Variants in CARS1 observed in about 807,000 individuals in gnomAD.
CARS1 encodes the protein cysteine--tRNA ligase, cytoplasmic.
CARS1 carries 48 observed loss-of-function variants against 106.2 expected under a neutral mutation model. That is an observed-to-expected ratio of 0.45 (90% CI 0.36 to 0.57). CARS1 has a LOEUF of 0.57. Ranked by LOEUF, CARS1 falls within the 20% of genes least tolerant of loss-of-function variation. The probability of loss-of-function intolerance (pLI) is 0.00; values close to 1 mark genes in which losing one functional copy is unlikely to be tolerated. For missense variants in CARS1, 968 were observed against 1,057.2 expected, an observed-to-expected ratio of 0.92 and a Z score of 1.17; for synonymous variants, 409 against 403.4, an observed-to-expected ratio of 1.01 and a Z score of -0.17.
chr11:3,013,529 C>T lies in CARS1; in HGVS notation c.1987-1253G>A, dbSNP rs185401186. On this transcript the variant is annotated intron_variant, in intron 17 of 22. Coordinates refer to ENST00000380525, the MANE Select transcript of CARS1 (RefSeq NM_001014437.3). ...GTTGCTCCCTGCCCCTTAGCTGATT[C>T]AGCAGCTCAGTAACCAAAATAAAAA... Among the ~76,000 whole-genome samples the T allele has an allele frequency of 5.5e-3, 841 of 152,254 alleles. 6 individuals are homozygous for T. The highest frequency in any genetic ancestry group is 0.01 in the Middle Eastern group (3 of 294).
rs556831525 is a variant in CARS1, at chr11:3,001,225, C to G, written c.2385G>C (p.Glu795Asp). The stretch of plus-strand genomic sequence containing the variant: ...CTTGCCCTTTGCTGAGCTCTTTGCC[C>G]TCCATGTCATGTGTGGGCAGACCCT... Reference protein sequence around the residue: ...DENGLPTHDMEGKELSKGQAK... With the variant: ...DENGLPTHDMDGKELSKGQAK... The change falls in exon 23 of 23, where the codon GAG becomes GAC. Residue 795 changes from glutamate (E) to aspartate (D), a missense_variant. Physicochemically the swap from Glu to Asp is conservative, Grantham distance 45. Coordinates refer to ENST00000380525, the MANE Select transcript of CARS1 (RefSeq NM_001014437.3). 3.7e-6 allele frequency: 6 copies of G among 1,613,936 alleles called. No individual in the cohort carries two copies. The highest frequency in any genetic ancestry group is 5.1e-6 in the Non-Finnish European group (6 of 1,180,040).
chr11:3,052,695 G>A lies in CARS1; in HGVS notation c.25+4648C>T, dbSNP rs773154547. Among the ~76,000 whole-genome samples, 14 of 152,186 alleles carry A rather than the reference G, an allele frequency of 9.2e-5. No individual in the cohort carries two copies. The highest frequency in any genetic ancestry group is 2.1e-4 in the Non-Finnish European group (14 of 68,038). ...AATGACAGGCTTCCATGAGATGGAC[G>A]CAGACAGTCATTTGGGTAATCGTGG... On this transcript the variant is annotated intron_variant, in intron 1 of 22. Transcript: ENST00000380525. The surrounding 1 kb of genome is among the most constrained non-coding windows in gnomAD (Gnocchi z 4.6).
In CARS1 at chr11:3,037,834, C is replaced by G. The variant is rs373152670; in HGVS notation, c.801+216G>C. Among the ~76,000 whole-genome samples the G allele has an allele frequency of 6.6e-6, 1 of 151,894 alleles. No individual in the cohort carries two copies. The highest frequency in any genetic ancestry group is 1.9e-4 in the East Asian group (1 of 5,178). On this transcript the variant is annotated intron_variant, in intron 7 of 22. Transcript: ENST00000380525. This position sits in a 1 kb window ranked among gnomAD's most constrained non-coding sequence, Gnocchi z 5.9. ...CCGAGTCTCCTTCCAGTGGCACAGG[C>G]TCTGCACCCAGGAAATGGGGCAAAG...
chr11:3,055,271 C>T (rs1056547974), intron 1 of CARS1, among the ~76,000 whole-genome samples: 15 of 152,190 alleles, frequency 9.9e-5, no homozygotes, highest in Admixed American at 2.0e-4. Flanking sequence ...CATCATTCTC[C>T]GGCCTCAGCC....
intron 9 of CARS1, 164 bp from the exon 10 acceptor site, chr11:3,026,961 T>G (rs1590405819): frequency 1.3e-6 from 1 of 757,230 alleles, no homozygotes; most frequent in Non-Finnish European, 2.1e-6. Flanking sequence ...TTGGACTGAG[T>G]GGGACACCAG....
intron 10 of CARS1, among the ~76,000 whole-genome samples, chr11:3,024,470 C>T (rs181850091): frequency 1.3e-5 from 2 of 152,094 alleles, no homozygotes; most frequent in East Asian, 1.9e-4. Context: ...GTCTTTGAGA[C>T]AGAGTCTTGC....
chr11:3,032,335 T>C lies in CARS1; in HGVS notation c.802-2892A>G, dbSNP rs186290454. 1.9e-3 allele frequency among the ~76,000 whole-genome samples: 292 copies of C among 152,064 alleles called. 2 individuals are homozygous for C. The highest frequency in any genetic ancestry group is 6.7e-3 in the African/African-American group (278 of 41,440). On this transcript the variant is annotated intron_variant, in intron 7 of 22. Transcript: ENST00000380525. ...ATCTGCCCATCTCGGCCTCCCAAAG[T>C]GCTGGGAGTTCAGGCGTGAGCCACC...
At chr11:3,007,167 A>G in intron 18 of CARS1, 1 of 590,252 alleles carries the variant, frequency 1.7e-6, no homozygotes, top group Non-Finnish European at 3.0e-6. Flanking sequence ...TGGCTGCAGA[A>G]GCCCAGAGAC....
rs1481667854 is a variant in CARS1 at position 3,038,902 on chromosome 11, C to T, written c.651+292G>A. ...AAAATTAGACAGCAATATTGGTAAG[C>T]ATTTTTATAAGTGTAATTAGTGGCA... On this transcript the variant is annotated intron_variant, in intron 6 of 22. Transcript: ENST00000380525. The surrounding 1 kb of genome is among the most constrained non-coding windows in gnomAD (Gnocchi z 4.0). 1.3e-5 allele frequency among the ~76,000 whole-genome samples: 2 copies of T among 152,162 alleles called. No homozygotes were observed. The highest frequency in any genetic ancestry group is 1.9e-4 in the East Asian group (1 of 5,204).
At position 3,057,362 on chromosome 11, in the gene CARS1, T is replaced by G. The variant is rs774313520; in HGVS notation, c.6A>C (p.Ala2=). Residue 2 remains alanine, a synonymous_variant, in exon 1 of 23, where the codon GCA becomes GCC. Transcript: ENST00000380525. M[A]DSSGQQAPDY... ...GCTCACCCTGCTGCCCGGAGGAATC[T>G]GCCATGGCTGGGAATCCCGGACCCG... 1.9e-5 allele frequency: 30 copies of G among 1,610,704 alleles called. No homozygotes were observed. In the African/African-American group the frequency reaches 3.3e-4, roughly 18 times the overall value.
At position 3,057,392 on chromosome 11, in the gene CARS1, T is replaced by C. The variant is rs757446903; in HGVS notation, c.-25A>G. 2 of 1,606,968 alleles carry C rather than the reference T, an allele frequency of 1.2e-6. No individual in the cohort carries two copies. Among genetic ancestry groups the C allele is most frequent in the South Asian group, 2.2e-5 (2 of 90,710 alleles). On this transcript the variant is annotated 5_prime_UTR_variant, in exon 1 of 23. Coordinates refer to ENST00000380525, the MANE Select transcript of CARS1 (RefSeq NM_001014437.3). ...TGGCTGGGAATCCCGGACCCGCAGC[T>C]GCGGCTACAGACACTTCCTAGAATC...
chr11:3,020,164 G>A lies in CARS1; in HGVS notation c.1266+56C>T. On this transcript the variant is annotated intron_variant, in intron 11 of 22. Transcript: ENST00000380525. This position sits in a 1 kb window ranked among gnomAD's most constrained non-coding sequence, Gnocchi z 4.6. ...GGCCCTCTGCTGGGGGCCTGAGAGT[G>A]TGGCTGGCGCCAGTGCCCCTGTCCA... The A allele has an allele frequency of 5.8e-6, 6 of 1,031,164 alleles. No homozygotes were observed. The South Asian group carries it at 7.6e-5, about 13-fold the overall frequency. 63.9% of individuals were successfully genotyped at this position (1,031,164 alleles called of 1,614,324 possible).
At chr11:3,024,799 T>C (rs897102124) in intron 10 of CARS1, among the ~76,000 whole-genome samples, 2 of 152,198 alleles carry the variant, frequency 1.3e-5, no homozygotes, top group Non-Finnish European at 2.9e-5. Flanking sequence ...GAGGGCTCCT[T>C]GACAGAATGA....
Position 3,043,666 on chromosome 11 carries a change from C to A in CARS1, c.275-1410G>T, listed in dbSNP as rs1381555346. On this transcript the variant is annotated intron_variant, in intron 2 of 22. Coordinates refer to ENST00000380525, the MANE Select transcript of CARS1 (RefSeq NM_001014437.3). The surrounding 1 kb of genome is among the most constrained non-coding windows in gnomAD (Gnocchi z 4.0). ...CCAGAGGGTCTGGCAGCATGGCCAG[C>A]AAATTGCCACACACTGATCACGGGG... Among the ~76,000 whole-genome samples, 1 of 152,122 alleles carries A rather than the reference C, an allele frequency of 6.6e-6. No individual in the cohort carries two copies. The highest frequency in any genetic ancestry group is 1.5e-5 in the Non-Finnish European group (1 of 68,024).
At chr11:3,057,190 C>T (rs1856302788) in intron 1 of CARS1, among the ~76,000 whole-genome samples, 153 bp downstream of exon 1, 1 of 152,008 alleles carries the variant, frequency 6.6e-6, no homozygotes, top group African/African-American at 2.4e-5. Context: ...AGACCTCGGG[C>T]ACTGCCGCCC....
chr11:3,048,074 T>C lies in CARS1; in HGVS notation c.26-73A>G, dbSNP rs1855295169. 3 of 1,561,154 alleles carry C rather than the reference T, an allele frequency of 1.9e-6. No individual in the cohort carries two copies. The highest frequency in any genetic ancestry group is 3.5e-5 in the Admixed American group (2 of 57,196). ...CAGAGGCCGCCAGAAAGACAGGGAC[T>C]AGGGGATGGCACAGAACCAAGGAAA... On this transcript the variant is annotated intron_variant, in intron 1 of 22. Transcript: ENST00000380525. The surrounding 1 kb of genome is among the most constrained non-coding windows in gnomAD (Gnocchi z 5.1).
chr11:3,026,962 G>T, intron 9 of CARS1, 165 bp from the exon 10 acceptor site: 1 of 734,708 alleles, frequency 1.4e-6, no homozygotes, highest in East Asian at 2.9e-5. Flanking sequence ...TGGACTGAGT[G>T]GGACACCAGG....
Position 3,028,901 on chromosome 11 carries a change from C to A in CARS1, c.1031+95G>T, listed in dbSNP as rs2134193252. On this transcript the variant is annotated intron_variant, in intron 9 of 22. Transcript: ENST00000380525. The surrounding 1 kb of genome is among the most constrained non-coding windows in gnomAD (Gnocchi z 4.4). ...GCTACGCAGCCCCAGAACACCTGCT[C>A]CTCTGCTTCCCAAACTCAGGCTCAG... 2.3e-6 allele frequency: 2 copies of A among 861,476 alleles called. No homozygotes were observed. The highest frequency in any genetic ancestry group is 2.4e-5 in the East Asian group (1 of 41,366). The allele number at this position is 861,476 out of a possible 1,614,324, so 53.4% of individuals were successfully genotyped here.
chr11:3,051,327 C>T (rs1283898159), intron 1 of CARS1, among the ~76,000 whole-genome samples: 2 of 152,224 alleles, frequency 1.3e-5, no homozygotes, highest in Non-Finnish European at 2.9e-5. Flanking sequence ...TCTTGAGGGC[C>T]TCTCACCTGC....
Sources: gnomAD v4.1 joint callset for allele counts (sites outside exome capture counted in the v4.1 genomes callset) on GRCh38, gnomAD v4.1.1 for gene constraint, Gnocchi (gnomAD v3.1) non-coding constraint, MANE v1.5 for transcripts, NCBI Gene and HGNC (gene_info 2026-07-23, HGNC 2026-07-21) for gene names.